MAGI2: variants seen among roughly 807,000 people sequenced by gnomAD.
The protein encoded by MAGI2 is membrane associated guanylate kinase, WW and PDZ domain containing 2.
Under a neutral mutation model 133.3 loss-of-function variants are expected in MAGI2, and 35 were observed. The observed-to-expected ratio is 0.26, with a 90% CI of 0.20 to 0.35. MAGI2 has a LOEUF of 0.35. MAGI2 is among the 10% of genes least tolerant of loss of function. The probability of loss-of-function intolerance (pLI) is 1.00; values close to 1 mark genes in which losing one functional copy is unlikely to be tolerated. For missense variants in MAGI2, 1,636 were observed against 1,863.4 expected, an observed-to-expected ratio of 0.88 and a Z score of 2.25; for synonymous variants, 729 against 710.6, an observed-to-expected ratio of 1.03 and a Z score of -0.41.
intron 1 of MAGI2, among the ~76,000 whole-genome samples, chr7:79,282,591 A>G (rs1345394459): frequency 6.6e-6 from 1 of 152,186 alleles, no homozygotes; most frequent in Non-Finnish European, 1.5e-5. Flanking sequence ...AAAAGCAGAG[A>G]AAAGAACAAA....
intron 12 of MAGI2, among the ~76,000 whole-genome samples, chr7:78,191,644 C>G (rs539330709): frequency 2.3e-4 from 35 of 152,184 alleles, no homozygotes; most frequent in African/African-American, 8.2e-4. Flanking sequence ...AAATCAGAGG[C>G]GCTGCCAGCC....
chr7:78,209,324 C>G (rs868129469), intron 10 of MAGI2, among the ~76,000 whole-genome samples: 1 of 136,672 alleles, frequency 7.3e-6, no homozygotes, highest in Non-Finnish European at 1.6e-5. Context: ...AGCAGTGGCG[C>G]GATCTCGGCT....
rs554010061 is a variant in MAGI2, at chr7:78,529,668, G to GTTTTTTTTT, written c.539-8032_539-8024dup. 8.3e-3 allele frequency among the ~76,000 whole-genome samples: 474 copies of GTTTTTTTTT among 57,406 alleles called. 92 individuals are homozygous for GTTTTTTTTT. Among genetic ancestry groups the GTTTTTTTTT allele is most frequent in the Middle Eastern group, 0.029 (2 of 70 alleles). The allele number at this position is 57,406 out of a possible 152,430, so 37.7% of individuals were successfully genotyped here. On this transcript the variant is annotated intron_variant, in intron 3 of 21. Coordinates refer to ENST00000354212, the MANE Select transcript of MAGI2 (RefSeq NM_012301.4). Reference sequence around the variant, plus strand: ...TTTCTTTTCCTTGCTAAAGGAGATGGTTTTTTTTTTTTTTTTTTTTTTTTT... The same window carrying GTTTTTTTTT: ...TTTCTTTTCCTTGCTAAAGGAGATGGTTTTTTTTTTTTTTTTTTTTTTTTTTTTTTTTTT...
At chr7:78,466,465 A>G (rs1351896764) in intron 6 of MAGI2, among the ~76,000 whole-genome samples, 1 of 152,210 alleles carries the variant, frequency 6.6e-6, no homozygotes. Flanking sequence ...GTGAGGATTT[A>G]TGTGTTTGCA....
At chr7:78,547,523 ATTCG>A (rs1281678491) in intron 3 of MAGI2, among the ~76,000 whole-genome samples, 11 of 152,162 alleles carry the variant, frequency 7.2e-5, no homozygotes, top group African/African-American at 2.7e-4. Context: ...TCATTCATTC[ATTCG>A]TTCATTCAAT....
intron 3 of MAGI2, among the ~76,000 whole-genome samples, chr7:78,602,356 C>T (rs1314392399): frequency 6.6e-6 from 1 of 151,376 alleles, no homozygotes; most frequent in Non-Finnish European, 1.5e-5. Flanking sequence ...AACGGGGTTT[C>T]ACCACGTTGG....
chr7:78,608,425 C>A (rs939807349), intron 3 of MAGI2, among the ~76,000 whole-genome samples: 3 of 150,914 alleles, frequency 2.0e-5, no homozygotes, highest in Non-Finnish European at 2.9e-5. Flanking sequence ...TTTGTGGCGA[C>A]TGAATGTGTG....
intron 1 of MAGI2, among the ~76,000 whole-genome samples, chr7:79,409,191 C>T (rs905851918): frequency 2.0e-5 from 3 of 152,100 alleles, no homozygotes; most frequent in African/African-American, 7.2e-5. Flanking sequence ...AGCAGCACAA[C>T]TAGGAACTTA....
At chr7:79,248,826 A>G (rs1833005690) in intron 1 of MAGI2, among the ~76,000 whole-genome samples, 1 of 149,930 alleles carries the variant, frequency 6.7e-6, no homozygotes, top group Non-Finnish European at 1.5e-5. Context: ...TATAATGGAA[A>G]CGCAACATAT....
At chr7:78,073,417 C>T (rs1167924367) in intron 21 of MAGI2, among the ~76,000 whole-genome samples, 4 of 152,042 alleles carry the variant, frequency 2.6e-5, no homozygotes, top group Non-Finnish European at 5.9e-5. Flanking sequence ...CTAAGACCAC[C>T]GAGACTCCCA....
At chr7:78,144,298 T>C (rs1192596867) in intron 16 of MAGI2, among the ~76,000 whole-genome samples, 1 of 152,204 alleles carries the variant, frequency 6.6e-6, no homozygotes, top group Non-Finnish European at 1.5e-5. Flanking sequence ...ACATTTCTAA[T>C]AATATTCCTA....
chr7:79,369,294 C>T lies in MAGI2; in HGVS notation c.301+83726G>A, dbSNP rs147418012. 3.1e-3 allele frequency among the ~76,000 whole-genome samples: 473 copies of T among 152,308 alleles called. 4 individuals carry two copies. The highest frequency in any genetic ancestry group is 0.01 in the African/African-American group (422 of 41,572). ...CAGGTACCTAATTCTTCTATCTTTACTCCATTTCTACAGGTTGTTCTGCAG... is the reference window on the plus strand; with the variant it reads ...CAGGTACCTAATTCTTCTATCTTTATTCCATTTCTACAGGTTGTTCTGCAG... On this transcript the variant is annotated intron_variant, in intron 1 of 21. Coordinates refer to ENST00000354212, the MANE Select transcript of MAGI2 (RefSeq NM_012301.4).
At chr7:78,043,841 A>T (rs141488835) in intron 21 of MAGI2, among the ~76,000 whole-genome samples, 1 of 152,348 alleles carries the variant, frequency 6.6e-6, no homozygotes, top group Admixed American at 6.5e-5. Flanking sequence ...AAAAACTAAC[A>T]AACTGAGAAC....
intron 9 of MAGI2, among the ~76,000 whole-genome samples, chr7:78,307,460 ACT>A (rs1482618644): frequency 6.6e-6 from 1 of 152,110 alleles, no homozygotes; most frequent in Non-Finnish European, 1.5e-5. Flanking sequence ...CTATTGTGAA[ACT>A]CATATTATAT....
intron 1 of MAGI2, among the ~76,000 whole-genome samples, chr7:79,258,721 C>T (rs922992071): frequency 6.6e-6 from 1 of 152,214 alleles, no homozygotes; most frequent in Admixed American, 6.5e-5. Context: ...CCTTGAACTC[C>T]TCGGCTCAAG....
rs750915829 is a variant in MAGI2 at position 79,453,092 on chromosome 7, G to A, written c.229C>T (p.Leu77Phe). Residue 77 changes from leucine to phenylalanine, a missense_variant, in exon 1 of 22, where the codon CTC (leucine) becomes TTC (phenylalanine). Leu to Phe is a conservative substitution (Grantham distance 22). Transcript: ENST00000354212. The part of the protein sequence containing the change: ...LEVNETPVAG[L>F]TIRDVLAVIK... Reference sequence around the variant, plus strand: ...ACGGCCAGCACGTCCCTGATGGTGAGCCCCGCCACGGGGGTCTCGTTCACC... The same window carrying A: ...ACGGCCAGCACGTCCCTGATGGTGAACCCCGCCACGGGGGTCTCGTTCACC... The A allele has an allele frequency of 6.2e-7, 1 of 1,613,612 alleles. No individual in the cohort carries two copies. The highest frequency in any genetic ancestry group is 1.3e-5 in the African/African-American group (1 of 74,926).
intron 16 of MAGI2, among the ~76,000 whole-genome samples, chr7:78,136,991 G>A (rs1822211576): frequency 6.6e-6 from 1 of 151,622 alleles, no homozygotes; most frequent in Non-Finnish European, 1.5e-5. Context: ...AAGCACTAAT[G>A]GCTTCAATTA....
rs115420551 is a variant in MAGI2, at chr7:79,428,591, C to T, written c.301+24429G>A. On this transcript the variant is annotated intron_variant, in intron 1 of 21. Transcript: ENST00000354212. ...ACAGAACAAAAATAAGGAATGTCTA[C>T]ATTTGTGATGAAATGTAAAAATATT... 2.3e-3 allele frequency among the ~76,000 whole-genome samples: 355 copies of T among 152,162 alleles called. 2 individuals carry two copies. Among genetic ancestry groups the T allele is most frequent in the African/African-American group, 8.4e-3 (349 of 41,538 alleles).
chr7:79,282,325 A>T (rs576438113), intron 1 of MAGI2, among the ~76,000 whole-genome samples: 1 of 152,152 alleles, frequency 6.6e-6, no homozygotes, highest in Non-Finnish European at 1.5e-5. Context: ...TAGCCTCCAG[A>T]TGAGAATTAC....
Sources: gnomAD v4.1 joint callset for allele counts (sites outside exome capture counted in the v4.1 genomes callset) on GRCh38, gnomAD v4.1.1 for gene constraint, MANE v1.5 for transcripts, NCBI Gene and HGNC (gene_info 2026-07-23, HGNC 2026-07-21) for gene names.